Variants in TLL1 observed in about 807,000 individuals in gnomAD.
TLL1 encodes the protein tolloid-like protein 1.
Under a neutral mutation model 128.2 loss-of-function variants are expected in TLL1, and 49 were observed. The ratio of observed to expected loss-of-function variants is 0.38; its 90% CI spans 0.30 to 0.48. The LOEUF (loss-of-function observed/expected upper bound fraction) is 0.48. Among genes scored for constraint, TLL1 ranks in the 20% least tolerant of loss-of-function variants. The probability of loss-of-function intolerance (pLI) is 0.96; values close to 1 mark genes in which losing one functional copy is unlikely to be tolerated. For synonymous variants in TLL1, 454 were observed against 418.8 expected, an observed-to-expected ratio of 1.08 and a Z score of -1.03; for missense variants, 1,123 against 1,242.0, an observed-to-expected ratio of 0.90 and a Z score of 1.44.
chr4:165,940,804 T>C (rs1395967668), intron 1 of TLL1, among the ~76,000 whole-genome samples: 1 of 151,986 alleles, frequency 6.6e-6, no homozygotes, highest in Admixed American at 6.6e-5. Context: ...GGCCAACCTT[T>C]GTTATTTAAT....
At chr4:166,044,538 T>A in intron 12 of TLL1, 1 of 993,434 alleles carries the variant, frequency 1.0e-6, no homozygotes, top group Non-Finnish European at 1.5e-6. Flanking sequence ...CTTTCTACTT[T>A]AATCATTATG....
At chr4:166,081,211 T>G (rs1245247629) in intron 18 of TLL1, among the ~76,000 whole-genome samples, 1 of 152,132 alleles carries the variant, frequency 6.6e-6, no homozygotes, top group African/African-American at 2.4e-5. Flanking sequence ...GTAGGTTTTG[T>G]TTTTGGTTTT....
At chr4:165,901,454 A>G (rs1731983832) in intron 1 of TLL1, among the ~76,000 whole-genome samples, 1 of 152,152 alleles carries the variant, frequency 6.6e-6, no homozygotes, top group Non-Finnish European at 1.5e-5. Flanking sequence ...GTTGATGCTC[A>G]TGCTAATCCT....
At chr4:165,926,944 C>G (rs1249987171) in intron 1 of TLL1, among the ~76,000 whole-genome samples, 1 of 152,044 alleles carries the variant, frequency 6.6e-6, no homozygotes, top group Admixed American at 6.5e-5. Context: ...TTTCAAAAAA[C>G]AGTCTCAGTT....
chr4:166,083,330 G>C (rs964553953), intron 18 of TLL1, among the ~76,000 whole-genome samples: 3 of 123,002 alleles, frequency 2.4e-5, no homozygotes, highest in African/African-American at 7.5e-5. Context: ...TATGTACATT[G>C]TTTAATGACT....
At chr4:165,895,614 AG>A (rs372569497) in intron 1 of TLL1, among the ~76,000 whole-genome samples, 1 of 141,978 alleles carries the variant, frequency 7.0e-6, no homozygotes, top group African/African-American at 2.7e-5. Flanking sequence ...TCCCCCAAAA[AG>A]CTCAGTAAGA....
chr4:165,970,791 A>G (rs1453843786), intron 1 of TLL1, among the ~76,000 whole-genome samples: 3 of 152,246 alleles, frequency 2.0e-5, no homozygotes, highest in Middle Eastern at 3.2e-3. Context: ...AAACAGGATC[A>G]TTGACACTGA....
At chr4:165,987,893 T>C (rs893435017) in intron 1 of TLL1, among the ~76,000 whole-genome samples, 2 of 152,260 alleles carry the variant, frequency 1.3e-5, no homozygotes, top group South Asian at 4.1e-4. Flanking sequence ...AGACAGTAAT[T>C]TGAAAAGCAT....
intron 20 of TLL1, 31 bp downstream of exon 20, chr4:166,099,558 C>T: frequency 6.4e-7 from 1 of 1,574,620 alleles, no homozygotes; most frequent in Non-Finnish European, 8.6e-7. Flanking sequence ...ATACCCTAGA[C>T]ATGATTAAAG....
chr4:166,033,984 C>G (rs889341314), intron 9 of TLL1, among the ~76,000 whole-genome samples: 2 of 152,136 alleles, frequency 1.3e-5, no homozygotes, highest in African/African-American at 4.8e-5. Context: ...TTTTTAATCA[C>G]TCATCTATGA....
chr4:165,900,667 AT>A (rs139239795), intron 1 of TLL1, among the ~76,000 whole-genome samples: 1 of 151,698 alleles, frequency 6.6e-6, no homozygotes, highest in African/African-American at 2.4e-5. Context: ...TGCCCTTAAC[AT>A]TTTTTTCCGT....
At chr4:165,941,957 T>C (rs375082923) in intron 1 of TLL1, among the ~76,000 whole-genome samples, 11 of 152,036 alleles carry the variant, frequency 7.2e-5, no homozygotes, top group African/African-American at 2.4e-4. Context: ...ATGTGTAAGG[T>C]GTCCTAGTCA....
At chr4:165,885,881 C>T (rs947157606) in intron 1 of TLL1, among the ~76,000 whole-genome samples, 2 of 152,134 alleles carry the variant, frequency 1.3e-5, no homozygotes, top group African/African-American at 4.8e-5. Flanking sequence ...GACATGTTAA[C>T]AGATATATCC....
chr4:166,099,641 AAG>A, intron 20 of TLL1, 114 bp downstream of exon 20: 2 of 1,338,372 alleles, frequency 1.5e-6, no homozygotes, highest in South Asian at 1.3e-5. Context: ...AAAAAAAAAA[AAG>A]GCTACATTGT....
At chr4:165,937,796 T>C (rs553357738) in intron 1 of TLL1, among the ~76,000 whole-genome samples, 1 of 151,978 alleles carries the variant, frequency 6.6e-6, no homozygotes, top group East Asian at 1.9e-4. Flanking sequence ...AATCTTTGAC[T>C]CACATTTTTA....
At chr4:165,889,000 C>A (rs1481862108) in intron 1 of TLL1, among the ~76,000 whole-genome samples, 1 of 152,168 alleles carries the variant, frequency 6.6e-6, no homozygotes, top group Non-Finnish European at 1.5e-5. Flanking sequence ...TCTCTGGATT[C>A]TCTCATTCAC....
chr4:165,984,325 A>T (rs1465128347), intron 1 of TLL1, among the ~76,000 whole-genome samples: 4 of 151,966 alleles, frequency 2.6e-5, no homozygotes, highest in African/African-American at 9.7e-5. Flanking sequence ...TTCTATGCAC[A>T]TGAAATGCTA....
At chr4:165,980,273 G>T (rs1736096718) in intron 1 of TLL1, among the ~76,000 whole-genome samples, 1 of 151,970 alleles carries the variant, frequency 6.6e-6, no homozygotes, top group African/African-American at 2.4e-5. Flanking sequence ...GCTGTCTCAG[G>T]GATGTCTGTA....
At chr4:165,971,779 C>T (rs1450167055) in intron 1 of TLL1, among the ~76,000 whole-genome samples, 1 of 152,178 alleles carries the variant, frequency 6.6e-6, no homozygotes, top group African/African-American at 2.4e-5. Flanking sequence ...GATGTTGCCT[C>T]TTCCTCTCAA....
Sources: gnomAD v4.1 joint callset for allele counts (sites outside exome capture counted in the v4.1 genomes callset) on GRCh38, gnomAD v4.1.1 for gene constraint, MANE v1.5 for transcripts, NCBI Gene and HGNC (gene_info 2026-07-23, HGNC 2026-07-21) for gene names.